PABPC4L: variants seen among roughly 807,000 people sequenced by gnomAD.
PABPC4L encodes the protein polyadenylate-binding protein 4-like.
For synonymous variants in PABPC4L, 169 were observed against 164.1 expected, an observed-to-expected ratio of 1.03 and a Z score of -0.23; for missense variants, 452 against 451.4, an observed-to-expected ratio of 1.00 and a Z score of -0.01.
chr4:134,050,887 T>A, the PABPC4L span, among the ~76,000 whole-genome samples: 163 of 100,438 alleles, frequency 1.6e-3, 1 homozygote, highest in African/African-American at 4.5e-3. Context: ...TTTATTTTTT[T>A]TTTTTTTTTT....
the PABPC4L span, among the ~76,000 whole-genome samples, chr4:134,130,945 C>T: frequency 7.1e-3 from 1,073 of 152,060 alleles, 19 homozygotes; most frequent in African/African-American, 0.024. Flanking sequence ...AAAAATCACA[C>T]GAGCATCTCA....
chr4:134,072,669 G>T, the PABPC4L span, among the ~76,000 whole-genome samples: 1 of 152,030 alleles, frequency 6.6e-6, no homozygotes, highest in Non-Finnish European at 1.5e-5. Flanking sequence ...ACTGGACTTG[G>T]GTATGAAAAA....
the PABPC4L span, among the ~76,000 whole-genome samples, chr4:133,997,171 C>T: frequency 9.9e-5 from 15 of 152,224 alleles, no homozygotes; most frequent in South Asian, 2.1e-4. Flanking sequence ...AATCCTAAAA[C>T]GACCTCTAAG....
chr4:134,157,422 T>C, the PABPC4L span, among the ~76,000 whole-genome samples: 2 of 151,774 alleles, frequency 1.3e-5, no homozygotes, highest in Admixed American at 6.6e-5. Context: ...TGTTCAGTAC[T>C]TCAATATCTT....
chr4:134,089,659 C>A, the PABPC4L span, among the ~76,000 whole-genome samples: 3 of 151,956 alleles, frequency 2.0e-5, no homozygotes, highest in African/African-American at 4.8e-5. Context: ...TACACAAATG[C>A]ACTTATACAT....
the PABPC4L span, among the ~76,000 whole-genome samples, chr4:134,108,769 G>A: frequency 6.6e-6 from 1 of 151,730 alleles, no homozygotes. Context: ...TCTTGATTTG[G>A]AGATGGTGTT....
the PABPC4L span, among the ~76,000 whole-genome samples, chr4:133,955,760 C>T: frequency 6.6e-6 from 1 of 152,128 alleles, no homozygotes. Context: ...TGCCATAGTA[C>T]TGGGGGTTAT....
chr4:134,144,736 A>G, the PABPC4L span, among the ~76,000 whole-genome samples: 5 of 151,696 alleles, frequency 3.3e-5, no homozygotes, highest in Non-Finnish European at 7.4e-5. Flanking sequence ...CTTTAGATCT[A>G]TTTTCATCAG....
chr4:134,186,199 A>T, the PABPC4L span, among the ~76,000 whole-genome samples: 1 of 152,168 alleles, frequency 6.6e-6, no homozygotes, highest in Non-Finnish European at 1.5e-5. Flanking sequence ...TAAAGTTCAT[A>T]TGGAACCAAA....
the PABPC4L span, among the ~76,000 whole-genome samples, chr4:133,993,624 C>G: frequency 6.6e-6 from 1 of 152,150 alleles, no homozygotes; most frequent in Non-Finnish European, 1.5e-5. Context: ...GGGGACATAC[C>G]TATGAGCTGG....
the PABPC4L span, among the ~76,000 whole-genome samples, chr4:133,998,248 A>G: frequency 6.6e-6 from 1 of 151,896 alleles, no homozygotes; most frequent in Non-Finnish European, 1.5e-5. Flanking sequence ...TTTCTTCAGA[A>G]TATGATATAT....
At chr4:134,190,600 C>T in the PABPC4L span, among the ~76,000 whole-genome samples, 1 of 151,974 alleles carries the variant, frequency 6.6e-6, no homozygotes. Context: ...TAATACTTCT[C>T]ATAAGTTTGG....
At chr4:134,168,856 A>C in the PABPC4L span, among the ~76,000 whole-genome samples, 1 of 152,092 alleles carries the variant, frequency 6.6e-6, no homozygotes, top group African/African-American at 2.4e-5. Context: ...AAATAAAATC[A>C]ATCCTACTCA....
chr4:134,096,883 A>G, the PABPC4L span, among the ~76,000 whole-genome samples: 5 of 151,948 alleles, frequency 3.3e-5, no homozygotes, highest in African/African-American at 1.2e-4. Flanking sequence ...ATTATGTAAA[A>G]ATGCTACTTG....
chr4:134,172,064 A>C, the PABPC4L span, among the ~76,000 whole-genome samples: 1 of 152,166 alleles, frequency 6.6e-6, no homozygotes, highest in African/African-American at 2.4e-5. Context: ...GGATAGGAAA[A>C]ATCAATATTG....
chr4:133,989,363 C>T, the PABPC4L span, among the ~76,000 whole-genome samples: 1 of 152,128 alleles, frequency 6.6e-6, no homozygotes, highest in East Asian at 1.9e-4. Context: ...CCACCACATA[C>T]TCTAAGTAAT....
At chr4:134,089,285 CA>C in the PABPC4L span, among the ~76,000 whole-genome samples, 1 of 151,792 alleles carries the variant, frequency 6.6e-6, no homozygotes, top group Non-Finnish European at 1.5e-5. Flanking sequence ...CAATATTGAA[CA>C]GAAGTTACAA....
chr4:134,161,972 T>C, the PABPC4L span, among the ~76,000 whole-genome samples: 11 of 152,140 alleles, frequency 7.2e-5, no homozygotes, highest in Non-Finnish European at 1.5e-5. Context: ...TTATTTCTTT[T>C]CTTTCTTTTT....
At chr4:134,133,718 A>G in the PABPC4L span, among the ~76,000 whole-genome samples, 2 of 151,854 alleles carry the variant, frequency 1.3e-5, no homozygotes, top group Non-Finnish European at 2.9e-5. Context: ...GGGACAAAAG[A>G]CTATACACTG....
Sources: allele counts gnomAD v4.1 joint callset (sites outside exome capture counted in the v4.1 genomes callset), GRCh38; gene constraint gnomAD v4.1.1; transcripts MANE v1.5; gene names NCBI Gene and HGNC (gene_info 2026-07-23, HGNC 2026-07-21).